DOK6: variants seen among roughly 807,000 people sequenced by gnomAD.
The protein encoded by DOK6 is downstream of tyrosine kinase 6.
In DOK6, 22 loss-of-function variants were observed where a neutral mutation model predicts 44.0. The observed-to-expected ratio is 0.50, with a 90% CI of 0.36 to 0.71. The LOEUF (loss-of-function observed/expected upper bound fraction) is 0.71. Ranked by LOEUF, DOK6 falls within the 30% of genes least tolerant of loss-of-function variation. The pLI is 0.00. For missense variants in DOK6, 340 were observed against 416.4 expected (o/e 0.82, Z 1.60); for synonymous variants, 166 against 145.5 (o/e 1.14, Z -1.01).
At chr18:69,592,244 T>C (rs1983639125) in intron 2 of DOK6, among the ~76,000 whole-genome samples, 1 of 132,140 alleles carries the variant, frequency 7.6e-6, no homozygotes. Flanking sequence ...TTTCTTTTTT[T>C]TTTTTAAACT....
chr18:69,539,219 C>T (rs1437801594), intron 1 of DOK6, among the ~76,000 whole-genome samples: 2 of 152,102 alleles, frequency 1.3e-5, no homozygotes, highest in South Asian at 2.1e-4. Flanking sequence ...ACCTCACATA[C>T]CTCTGTCAAG....
At chr18:69,761,580 G>A (rs1228707380) in intron 7 of DOK6, among the ~76,000 whole-genome samples, 1 of 152,156 alleles carries the variant, frequency 6.6e-6, no homozygotes, top group Non-Finnish European at 1.5e-5. Flanking sequence ...AGGGGTGGTC[G>A]TGGTCGGGTG....
At chr18:69,834,547 A>G (rs1272666115) in intron 7 of DOK6, among the ~76,000 whole-genome samples, 3 of 152,200 alleles carry the variant, frequency 2.0e-5, no homozygotes, top group Non-Finnish European at 4.4e-5. Flanking sequence ...CCAACACACA[A>G]AAAGAGATAA....
At chr18:69,680,268 C>A (rs1986014950) in intron 4 of DOK6, among the ~76,000 whole-genome samples, 1 of 152,196 alleles carries the variant, frequency 6.6e-6, no homozygotes, top group Admixed American at 6.5e-5. Context: ...TAAGACTCTT[C>A]AATGTTTAGC....
intron 1 of DOK6, among the ~76,000 whole-genome samples, chr18:69,455,462 T>A (rs925267961): frequency 5.9e-5 from 9 of 152,232 alleles, no homozygotes; most frequent in African/African-American, 2.2e-4. Flanking sequence ...AAAGTGAACA[T>A]TGACTCAACT....
chr18:69,801,678 C>G (rs753091165), intron 7 of DOK6, among the ~76,000 whole-genome samples: 1 of 152,172 alleles, frequency 6.6e-6, no homozygotes, highest in Non-Finnish European at 1.5e-5. Context: ...ACCCCTTTGT[C>G]CCACCTCTTC....
At chr18:69,585,303 A>T (rs1423521742) in intron 2 of DOK6, among the ~76,000 whole-genome samples, 1 of 151,670 alleles carries the variant, frequency 6.6e-6, no homozygotes, top group Non-Finnish European at 1.5e-5. Context: ...AGAATATTTA[A>T]TTATCTTATT....
chr18:69,505,987 T>A (rs1193395158), intron 1 of DOK6, among the ~76,000 whole-genome samples: 1 of 152,044 alleles, frequency 6.6e-6, no homozygotes, highest in Non-Finnish European at 1.5e-5. Flanking sequence ...CAATTATAGC[T>A]AACTGGTGGG....
In DOK6 at chr18:69,509,331, A is replaced by T. The variant is rs144963329; in HGVS notation, c.67-55156A>T. 2.7e-3 allele frequency among the ~76,000 whole-genome samples: 409 copies of T among 152,324 alleles called. 1 individual carries two copies. The highest frequency in any genetic ancestry group is 9.5e-3 in the African/African-American group (395 of 41,570). On this transcript the variant is annotated intron_variant, in intron 1 of 7. Transcript: ENST00000382713. ...AACAAAATGTTATGCCGATAATCACAAAATTAATTTTAAAGCCAGGATATG... is the reference window on the plus strand; with the variant it reads ...AACAAAATGTTATGCCGATAATCACTAAATTAATTTTAAAGCCAGGATATG...
intron 3 of DOK6, among the ~76,000 whole-genome samples, chr18:69,641,811 C>T (rs1441789072): frequency 6.6e-6 from 1 of 152,088 alleles, no homozygotes; most frequent in African/African-American, 2.4e-5. Context: ...TCTTGCTGTG[C>T]ACAAGCAGCA....
intron 7 of DOK6, chr18:69,831,190 G>C (rs1981891389): frequency 1.3e-5 from 2 of 151,910 alleles, no homozygotes; most frequent in Admixed American, 1.3e-4. Flanking sequence ...TAGTCCAAAG[G>C]CCTGGAGCTC....
intron 1 of DOK6, among the ~76,000 whole-genome samples, chr18:69,412,893 A>G (rs914909131): frequency 6.6e-6 from 1 of 152,094 alleles, no homozygotes; most frequent in Non-Finnish European, 1.5e-5. Context: ...ACCGACTTTG[A>G]GTTAGTGACA....
At chr18:69,821,604 C>G (rs930102595) in intron 7 of DOK6, among the ~76,000 whole-genome samples, 8 of 152,060 alleles carry the variant, frequency 5.3e-5, no homozygotes, top group Non-Finnish European at 7.4e-5. Flanking sequence ...TTTCTATATT[C>G]AGAATTAAAA....
chr18:69,817,156 C>G (rs1021353530), intron 7 of DOK6, among the ~76,000 whole-genome samples: 1 of 152,090 alleles, frequency 6.6e-6, no homozygotes, highest in Admixed American at 6.6e-5. Flanking sequence ...CTTTCTTATT[C>G]TTTCATAAAA....
chr18:69,423,195 G>A (rs1285636079), intron 1 of DOK6, among the ~76,000 whole-genome samples: 2 of 152,142 alleles, frequency 1.3e-5, no homozygotes, highest in African/African-American at 2.4e-5. Context: ...CCAGCCACGC[G>A]GGAGGCTGGG....
intron 6 of DOK6, among the ~76,000 whole-genome samples, chr18:69,750,624 G>C (rs1979145719): frequency 6.6e-6 from 1 of 152,222 alleles, no homozygotes. Context: ...ACTGAACACT[G>C]TTGCTGGGAA....
intron 7 of DOK6, among the ~76,000 whole-genome samples, chr18:69,798,509 A>C (rs1980812750): frequency 6.6e-6 from 1 of 152,078 alleles, no homozygotes; most frequent in African/African-American, 2.4e-5. Context: ...TACATACAAC[A>C]GTTTATCTAC....
At chr18:69,587,794 C>CACACACACA (rs3222085) in intron 2 of DOK6, among the ~76,000 whole-genome samples, 4 of 151,724 alleles carry the variant, frequency 2.6e-5, no homozygotes, top group African/African-American at 9.7e-5. Flanking sequence ...CACACACACA[C>CACACACACA]GAGAAGTAAG....
intron 2 of DOK6, among the ~76,000 whole-genome samples, chr18:69,589,982 A>G (rs1023246019): frequency 6.6e-6 from 1 of 152,106 alleles, no homozygotes; most frequent in Non-Finnish European, 1.5e-5. Flanking sequence ...TCTTCTATTT[A>G]TAACTCCTAA....
Sources: gnomAD v4.1 joint callset for allele counts (sites outside exome capture counted in the v4.1 genomes callset) on GRCh38, gnomAD v4.1.1 for gene constraint, MANE v1.5 for transcripts, NCBI Gene and HGNC (gene_info 2026-07-23, HGNC 2026-07-21) for gene names.